The following NFASC variants were observed in gnomAD, a reference collection of about 807,000 sequenced individuals.
NFASC encodes neurofascin homolog.
In NFASC, 43 loss-of-function variants were observed where a neutral mutation model predicts 147.5. The observed-to-expected ratio is 0.29, with a 90% confidence interval of 0.23 to 0.38. The LOEUF is 0.38. Among genes scored for constraint, NFASC ranks in the 10% least tolerant of loss-of-function variants. NFASC has a pLI of 1.00. For synonymous variants in NFASC, 622 were observed against 665.5 expected, an observed-to-expected ratio of 0.93 and a Z score of 1.01; for missense variants, 1,320 against 1,689.0, an observed-to-expected ratio of 0.78 and a Z score of 3.83.
chr1:204,951,670 C>T (rs371250560), intron 4 of NFASC, among the ~76,000 whole-genome samples: 45 of 151,826 alleles, frequency 3.0e-4, no homozygotes, highest in South Asian at 4.2e-4. Context: ...GGGGTTTCAC[C>T]GTGTTAGCCA....
chr1:204,872,776 A>G (rs2077968353), intron 1 of NFASC, among the ~76,000 whole-genome samples: 1 of 152,188 alleles, frequency 6.6e-6, no homozygotes, highest in Admixed American at 6.5e-5. Context: ...CAGTGATGGC[A>G]ACACCATCAA....
intron 25 of NFASC, chr1:204,997,613 A>T: frequency 1.6e-6 from 1 of 636,508 alleles, no homozygotes. Context: ...CCTGGCCCTG[A>T]CACACACACA....
intron 1 of NFASC, among the ~76,000 whole-genome samples, chr1:204,907,380 A>G (rs1373353071): frequency 1.3e-5 from 2 of 152,172 alleles, no homozygotes; most frequent in Non-Finnish European, 2.9e-5. Context: ...ATTATCAAGT[A>G]TTTTCTTTCA....
chr1:205,016,652 C>T lies in NFASC; in HGVS notation c.*113C>T, dbSNP rs773650361. On this transcript the variant is annotated 3_prime_UTR_variant, in exon 30 of 30. Coordinates refer to ENST00000339876, the MANE Select transcript of NFASC (RefSeq NM_001005388.3). The surrounding 1 kb of genome is among the most constrained non-coding windows in gnomAD (Gnocchi z 5.1). Reference sequence around the variant, plus strand: ...ACCACCACCTTCAGTAACAAGGGTACGATATGGGGGTCTGCCAAGCTGTGA... The same window carrying T: ...ACCACCACCTTCAGTAACAAGGGTATGATATGGGGGTCTGCCAAGCTGTGA... 19 of 775,148 alleles carry T rather than the reference C, an allele frequency of 2.5e-5. No individual in the cohort carries two copies. The highest frequency in any genetic ancestry group is 1.2e-4 in the Admixed American group (6 of 50,310). 48.0% of individuals were successfully genotyped at this position (775,148 alleles called of 1,614,324 possible).
chr1:204,979,116 C>A lies in NFASC; in HGVS notation c.1978+47C>A. ...CAAAGCTGGAAAAGAGGGACGGCAA[C>A]ACCCTTAAACCGAAGGCCTTTCCTG... On this transcript the variant is annotated intron_variant, in intron 18 of 29. Transcript: ENST00000339876. This position sits in a 1 kb window ranked among gnomAD's most constrained non-coding sequence, Gnocchi z 6.0. 1 of 1,454,746 alleles carries A rather than the reference C, an allele frequency of 6.9e-7. No homozygotes were observed. The allele number at this position is 1,454,746 out of a possible 1,614,324, so 90.1% of individuals were successfully genotyped here. A position where few individuals can be genotyped will look rare whatever the true frequency, so the allele number is the denominator to read the frequency against.
rs781181676 is a variant in NFASC at position 204,982,043 on chromosome 1, C to A, written c.2470+23C>A. 1.8e-5 allele frequency: 27 copies of A among 1,473,660 alleles called. No homozygotes were observed. In the Admixed American group the frequency reaches 5.7e-4, roughly 31 times the overall value. 91.3% of individuals were successfully genotyped at this position (1,473,660 alleles called of 1,614,324 possible). On this transcript the variant is annotated intron_variant, in intron 21 of 29. Coordinates refer to ENST00000339876, the MANE Select transcript of NFASC (RefSeq NM_001005388.3). Reference sequence around the variant, plus strand: ...ATTGTGAGTAGTCTCCTCCCCGTCCCCCCATCAGGACCCTTGTGGCTAGGT... The same window carrying A: ...ATTGTGAGTAGTCTCCTCCCCGTCCACCCATCAGGACCCTTGTGGCTAGGT...
intron 1 of NFASC, among the ~76,000 whole-genome samples, chr1:204,888,288 A>G (rs889419482): frequency 6.6e-6 from 1 of 152,230 alleles, no homozygotes; most frequent in Admixed American, 6.5e-5. Flanking sequence ...TACACTTGCC[A>G]AAAGACAAAA....
intron 5 of NFASC, among the ~76,000 whole-genome samples, chr1:204,953,182 C>A (rs1192425280): frequency 2.0e-5 from 3 of 152,242 alleles, no homozygotes; most frequent in Non-Finnish European, 4.4e-5. Context: ...GGATGTGAGG[C>A]CTTGGCTGCA....
intron 1 of NFASC, among the ~76,000 whole-genome samples, chr1:204,913,556 A>G (rs2088275675): frequency 6.6e-6 from 1 of 152,244 alleles, no homozygotes; most frequent in African/African-American, 2.4e-5. Context: ...ATTTCAAACC[A>G]TAGAATAAAA....
intron 27 of NFASC, among the ~76,000 whole-genome samples, chr1:205,007,964 A>G (rs555083490): frequency 6.6e-6 from 1 of 152,272 alleles, no homozygotes; most frequent in South Asian, 2.1e-4. Flanking sequence ...CAGGAGTGGA[A>G]GCAGGGATGG....
chr1:204,864,318 G>A (rs11806216), intron 1 of NFASC, among the ~76,000 whole-genome samples: 24,858 of 152,188 alleles, frequency 0.16, 3,144 homozygotes, highest in East Asian at 0.46. Flanking sequence ...CAATGCTGCA[G>A]TGAATATTGT....
intron 2 of NFASC, among the ~76,000 whole-genome samples, chr1:204,924,641 C>T (rs925853019): frequency 2.0e-5 from 3 of 152,184 alleles, no homozygotes; most frequent in African/African-American, 7.2e-5. Flanking sequence ...AGGAGCCTCC[C>T]TTCCTCTCTG....
intron 27 of NFASC, among the ~76,000 whole-genome samples, chr1:205,007,727 C>G (rs1461518189): frequency 6.6e-6 from 1 of 152,092 alleles, no homozygotes; most frequent in Non-Finnish European, 1.5e-5. Context: ...GGAATGAGAG[C>G]GGCCAGCATG....
intron 27 of NFASC, chr1:205,008,983 GCCTCCACT>G: frequency 5.9e-6 from 1 of 168,504 alleles, no homozygotes; most frequent in Non-Finnish European, 1.3e-5. Context: ...GGCATCCTGG[GCCTCCACT>G]TGGTCCAGTC....
intron 1 of NFASC, among the ~76,000 whole-genome samples, chr1:204,896,107 C>T (rs2083333721): frequency 6.6e-6 from 1 of 152,160 alleles, no homozygotes; most frequent in Non-Finnish European, 1.5e-5. Context: ...CCAAAAGGAA[C>T]AATCTGGAGG....
rs761939804 is a variant in NFASC at position 204,975,277 on chromosome 1, C to T, written c.1565C>T (p.Thr522Ile). ...GCTCTGGGCTTCTCCACAGACCCCA[C>T]CAGGATCTACCGGATGCCCGAGGAC... is the stretch of plus-strand genomic sequence containing the variant. ...NQVRLEVKDP[T>I]RIYRMPEDQV... is the part of the protein sequence containing the mutation. Residue 522 changes from threonine to isoleucine, a missense_variant, in exon 15 of 30, where the codon ACC becomes ATC. Physicochemically the swap from Thr to Ile is moderately conservative, Grantham distance 89. Transcript: ENST00000339876. The surrounding 1 kb of genome is among the most constrained non-coding windows in gnomAD (Gnocchi z 4.0). The T allele has an allele frequency of 6.2e-7, 1 of 1,612,014 alleles. No homozygotes were observed. Among genetic ancestry groups the T allele is most frequent in the Non-Finnish European group, 8.5e-7 (1 of 1,178,784 alleles).
At chr1:204,862,061 A>T (rs2076728400) in intron 1 of NFASC, among the ~76,000 whole-genome samples, 1 of 152,198 alleles carries the variant, frequency 6.6e-6, no homozygotes, top group South Asian at 2.1e-4. Flanking sequence ...TGTGGGCTGC[A>T]TATTTGTTCC....
At position 204,997,184 on chromosome 1, in the gene NFASC, C is replaced by A; in HGVS notation, c.2797C>A (p.Pro933Thr). Residue 933 changes from proline (P) to threonine (T), a missense_variant, in exon 25 of 30, where the codon CCC (proline) becomes ACC (threonine). This residue lies in a region of NFASC where 981 missense variants were observed against 1,289.5 expected (regional missense o/e 0.76). Transcript: ENST00000339876. ...TTCCCTCTCAGCTCCTCCCACATTG[C>A]CCCCGACTACCGTGGGTGCGACGGG... The part of the protein sequence containing the change: ...ATPTAAPPTL[P>T]PTTVGATGAV... 2 of 1,610,934 alleles carry A rather than the reference C, an allele frequency of 1.2e-6. No individual in the cohort carries two copies. The highest frequency in any genetic ancestry group is 1.3e-5 in the African/African-American group (1 of 74,940).
At chr1:205,000,962 G>A in intron 25 of NFASC, 2 of 598,682 alleles carry the variant, frequency 3.3e-6, no homozygotes, top group Non-Finnish European at 6.1e-6. Flanking sequence ...CTCTGGCCTG[G>A]CCACCAAGGC....
Sources: gnomAD v4.1 joint callset for allele counts (sites outside exome capture counted in the v4.1 genomes callset) on GRCh38, gnomAD v4.1.1 for gene constraint, gnomAD v4.1.1 regional missense constraint, Gnocchi (gnomAD v3.1) non-coding constraint, MANE v1.5 for transcripts, NCBI Gene and HGNC (gene_info 2026-07-23, HGNC 2026-07-21) for gene names.